Variants in PTPRD observed in about 807,000 individuals in gnomAD.
PTPRD encodes protein tyrosine phosphatase receptor type D.
Under a neutral mutation model 214.5 loss-of-function variants are expected in PTPRD, and 34 were observed. That is an observed-to-expected ratio of 0.16 (90% CI 0.12 to 0.21). The LOEUF is 0.21. Ranked by LOEUF, PTPRD falls within the 10% of genes least tolerant of loss-of-function variation. PTPRD has a pLI of 1.00. For missense variants in PTPRD, 2,545 were observed against 2,398.7 expected (o/e 1.06, Z -1.27); for synonymous variants, 1,128 against 845.7 (o/e 1.33, Z -5.79).
intron 3 of PTPRD, among the ~76,000 whole-genome samples, chr9:10,107,571 G>T (rs763845652): frequency 6.6e-6 from 1 of 152,072 alleles, no homozygotes; most frequent in Non-Finnish European, 1.5e-5. Flanking sequence ...ATGATGCTAA[G>T]TACACGTGTT....
intron 11 of PTPRD, among the ~76,000 whole-genome samples, chr9:8,878,698 GT>G (rs2098416575): frequency 6.6e-6 from 1 of 151,974 alleles, no homozygotes; most frequent in African/African-American, 2.4e-5. Context: ...CAGATAACTT[GT>G]TTTTTATTTT....
At chr9:8,826,522 T>C (rs948000904) in intron 11 of PTPRD, among the ~76,000 whole-genome samples, 40 of 152,286 alleles carry the variant, frequency 2.6e-4, no homozygotes, top group Non-Finnish European at 2.4e-4. Context: ...TCCTGCCTTT[T>C]ATCCTTCATA....
chr9:8,948,729 G>A lies in PTPRD; in HGVS notation c.-104+69968C>T, dbSNP rs539704994. On this transcript the variant is annotated intron_variant, in intron 11 of 45. Coordinates refer to ENST00000381196, the MANE Select transcript of PTPRD (RefSeq NM_002839.4). ...AATAGGACACGTAATTTTTTTATCC[G>A]TCACAATTCCTGCTAGATTAGATGC... Among the ~76,000 whole-genome samples, 286 of 148,018 alleles carry A rather than the reference G, an allele frequency of 1.9e-3. 2 individuals are homozygous for A. Among genetic ancestry groups the A allele is most frequent in the African/African-American group, 6.8e-3 (272 of 40,096 alleles).
In PTPRD at chr9:9,185,132, G is replaced by C. The variant is rs532080693; in HGVS notation, c.-202-1769C>G. On this transcript the variant is annotated intron_variant, in intron 9 of 45. Transcript: ENST00000381196. ...GTCGTGGTGATTTGGAATGTCCTTT[G>C]ACCCTCTACTGGATTTAATGCCAAT... is the stretch of plus-strand genomic sequence containing the variant. 3.3e-5 allele frequency among the ~76,000 whole-genome samples: 5 copies of C among 152,116 alleles called. No homozygotes were observed. The South Asian group carries it at 1.0e-3, about 32-fold the overall frequency.
chr9:9,561,569 G>C (rs767897772), intron 8 of PTPRD, among the ~76,000 whole-genome samples: 4 of 152,148 alleles, frequency 2.6e-5, no homozygotes, highest in Non-Finnish European at 4.4e-5. Flanking sequence ...AAATGGACAA[G>C]TATAAAAAGA....
At chr9:9,496,471 T>C (rs1051725394) in intron 8 of PTPRD, among the ~76,000 whole-genome samples, 6 of 152,146 alleles carry the variant, frequency 3.9e-5, no homozygotes, top group East Asian at 3.9e-4. Flanking sequence ...CATGCAAAGA[T>C]GTTTGACATG....
intron 3 of PTPRD, among the ~76,000 whole-genome samples, chr9:10,244,694 T>C (rs566767268): frequency 6.6e-6 from 1 of 152,090 alleles, no homozygotes; most frequent in Admixed American, 6.6e-5. Flanking sequence ...TAATGGCCCA[T>C]ATGGAAAAAA....
chr9:10,131,262 C>T (rs1232205802), intron 3 of PTPRD, among the ~76,000 whole-genome samples: 1 of 152,112 alleles, frequency 6.6e-6, no homozygotes, highest in African/African-American at 2.4e-5. Flanking sequence ...CTACTGCGTG[C>T]ATCTCTAAGT....
chr9:9,325,983 G>C (rs1201711775), intron 9 of PTPRD, among the ~76,000 whole-genome samples: 1 of 152,004 alleles, frequency 6.6e-6, no homozygotes, highest in Non-Finnish European at 1.5e-5. Flanking sequence ...CTGTTTATGC[G>C]ATGGACTGTG....
intron 8 of PTPRD, among the ~76,000 whole-genome samples, chr9:9,565,259 C>T (rs556784014): frequency 1.3e-5 from 2 of 151,886 alleles, no homozygotes; most frequent in East Asian, 1.9e-4. Flanking sequence ...ACTCTTGCTT[C>T]ATCTGTTTTG....
At chr9:9,927,368 C>A (rs1177795953) in intron 5 of PTPRD, among the ~76,000 whole-genome samples, 1 of 152,086 alleles carries the variant, frequency 6.6e-6, no homozygotes, top group African/African-American at 2.4e-5. Flanking sequence ...CTGTCCTTTC[C>A]TAAGTGCCCT....
intron 9 of PTPRD, among the ~76,000 whole-genome samples, chr9:9,185,292 C>A (rs1447268012): frequency 6.6e-6 from 1 of 152,040 alleles, no homozygotes; most frequent in Non-Finnish European, 1.5e-5. Context: ...ATCTGACAAG[C>A]AATATCAAAT....
chr9:10,036,349 T>G (rs1235145055), intron 3 of PTPRD, among the ~76,000 whole-genome samples: 1 of 152,046 alleles, frequency 6.6e-6, no homozygotes, highest in Admixed American at 6.6e-5. Context: ...TATTTCCCTG[T>G]TAAGCCTGGA....
At chr9:9,717,160 T>C (rs1216319724) in intron 7 of PTPRD, among the ~76,000 whole-genome samples, 1 of 152,132 alleles carries the variant, frequency 6.6e-6, no homozygotes, top group Non-Finnish European at 1.5e-5. Flanking sequence ...CAGATAGTTG[T>C]AGATATGCGG....
In PTPRD at chr9:9,134,625, CA is replaced by C. The variant is rs1399735246; in HGVS notation, c.-143+48678del. On this transcript the variant is annotated intron_variant, in intron 10 of 45. Transcript: ENST00000381196. Reference sequence around the variant, plus strand: ...AAAATTTAGGTATTTGAAATGCCCACAAGGCCCAGTGGAGACTCTCCCTTTC... The same window carrying C: ...AAAATTTAGGTATTTGAAATGCCCACAGGCCCAGTGGAGACTCTCCCTTTC... 9.2e-5 allele frequency among the ~76,000 whole-genome samples: 14 copies of C among 152,316 alleles called. No individual in the cohort carries two copies. In the South Asian group the frequency reaches 2.9e-3, roughly 32 times the overall value.
intron 9 of PTPRD, among the ~76,000 whole-genome samples, chr9:9,363,993 G>T (rs2057109802): frequency 6.6e-6 from 1 of 151,270 alleles, no homozygotes; most frequent in African/African-American, 2.4e-5. Flanking sequence ...TATGGTATTA[G>T]TTGAAGGCTA....
intron 6 of PTPRD, among the ~76,000 whole-genome samples, chr9:9,748,287 C>T (rs1368189805): frequency 6.6e-6 from 1 of 152,138 alleles, no homozygotes; most frequent in Non-Finnish European, 1.5e-5. Flanking sequence ...ACACTAAAAT[C>T]TTTGCATATT....
chr9:9,574,269 C>G (rs373236840), intron 8 of PTPRD, among the ~76,000 whole-genome samples: 5 of 151,836 alleles, frequency 3.3e-5, no homozygotes, highest in Admixed American at 1.3e-4. Flanking sequence ...TTATTTATTA[C>G]CATCTTATTT....
At chr9:8,707,808 C>G (rs551943139) in intron 12 of PTPRD, among the ~76,000 whole-genome samples, 2 of 152,272 alleles carry the variant, frequency 1.3e-5, no homozygotes, top group East Asian at 3.9e-4. Context: ...AGCAAGAAAC[C>G]ATATAATGCA....
Sources: gnomAD v4.1 joint callset for allele counts (sites outside exome capture counted in the v4.1 genomes callset) on GRCh38, gnomAD v4.1.1 for gene constraint, MANE v1.5 for transcripts, NCBI Gene and HGNC (gene_info 2026-07-23, HGNC 2026-07-21) for gene names.